The following CNTNAP5 variants were observed in gnomAD, a reference collection of about 807,000 sequenced individuals.
CNTNAP5 encodes contactin associated protein family member 5.
In CNTNAP5, 72 loss-of-function variants were observed where a neutral mutation model predicts 150.2. That is an observed-to-expected ratio of 0.48 (90% CI 0.40 to 0.58). The LOEUF is 0.58. Ranked by LOEUF, CNTNAP5 falls within the 20% of genes least tolerant of loss-of-function variation. The pLI, the probability that CNTNAP5 is intolerant of heterozygous loss-of-function variation, is 0.00. For missense variants in CNTNAP5, 1,636 were observed against 1,626.2 expected, an observed-to-expected ratio of 1.01 and a Z score of -0.10; for synonymous variants, 672 against 619.8, an observed-to-expected ratio of 1.08 and a Z score of -1.25.
At chr2:124,423,799 G>A (rs1293901068) in intron 4 of CNTNAP5, among the ~76,000 whole-genome samples, 24 of 144,004 alleles carry the variant, frequency 1.7e-4, no homozygotes, top group African/African-American at 6.2e-4. Context: ...CGAGTAGCTG[G>A]GACTACAGGC....
chr2:124,181,410 G>C (rs115719473), intron 1 of CNTNAP5, among the ~76,000 whole-genome samples: 37 of 151,846 alleles, frequency 2.4e-4, no homozygotes, highest in African/African-American at 8.7e-4. Flanking sequence ...GATATTCTAG[G>C]AATATAAATT....
intron 13 of CNTNAP5, among the ~76,000 whole-genome samples, chr2:124,729,908 G>A (rs1680235537): frequency 1.3e-5 from 2 of 152,034 alleles, no homozygotes; most frequent in South Asian, 4.1e-4. Flanking sequence ...AGCCAACAAT[G>A]CATTAACTAT....
chr2:124,650,116 T>C (rs938418133), intron 13 of CNTNAP5, among the ~76,000 whole-genome samples: 4 of 152,182 alleles, frequency 2.6e-5, no homozygotes, highest in Admixed American at 6.5e-5. Flanking sequence ...ACCATATTTT[T>C]GTGCATGAGG....
At chr2:124,622,322 A>G (rs1677634602) in intron 12 of CNTNAP5, among the ~76,000 whole-genome samples, 1 of 152,166 alleles carries the variant, frequency 6.6e-6, no homozygotes, top group Admixed American at 6.5e-5. Context: ...ATTGCTGCAT[A>G]GTATTCCATG....
At chr2:124,122,289 C>T (rs1430557566) in intron 1 of CNTNAP5, among the ~76,000 whole-genome samples, 1 of 152,098 alleles carries the variant, frequency 6.6e-6, no homozygotes, top group Non-Finnish European at 1.5e-5. Flanking sequence ...CTAATTAAAT[C>T]GTGAAACATT....
At chr2:124,715,637 G>T (rs1355706718) in intron 13 of CNTNAP5, among the ~76,000 whole-genome samples, 1 of 152,104 alleles carries the variant, frequency 6.6e-6, no homozygotes, top group Non-Finnish European at 1.5e-5. Context: ...AAGAAGGGTG[G>T]TATTTTTCTT....
At chr2:124,231,344 T>A (rs945903287) in intron 2 of CNTNAP5, among the ~76,000 whole-genome samples, 5 of 152,140 alleles carry the variant, frequency 3.3e-5, no homozygotes, top group African/African-American at 1.2e-4. Context: ...CTGGTACTCA[T>A]TTTTCTCATT....
intron 3 of CNTNAP5, among the ~76,000 whole-genome samples, chr2:124,291,643 A>C (rs189472450): frequency 6.6e-6 from 1 of 152,286 alleles, no homozygotes; most frequent in Non-Finnish European, 1.5e-5. Context: ...GCTGCCAAAT[A>C]AACACTGACA....
intron 3 of CNTNAP5, among the ~76,000 whole-genome samples, chr2:124,410,000 GAC>G (rs1485655050): frequency 6.6e-6 from 1 of 150,636 alleles, no homozygotes; most frequent in Non-Finnish European, 1.5e-5. Context: ...CACGTGCAGA[GAC>G]ACACATAGGC....
At chr2:124,403,613 G>A (rs1412843901) in intron 3 of CNTNAP5, among the ~76,000 whole-genome samples, 6 of 152,146 alleles carry the variant, frequency 3.9e-5, no homozygotes, top group Admixed American at 3.3e-4. Context: ...AAGAAATACT[G>A]TGCTCCATGC....
chr2:124,328,957 T>C (rs979249823), intron 3 of CNTNAP5, among the ~76,000 whole-genome samples: 9 of 152,000 alleles, frequency 5.9e-5, no homozygotes, highest in African/African-American at 1.7e-4. Context: ...CCATATGAAA[T>C]AGGAGACTGA....
chr2:124,628,328 A>G (rs1436396804), intron 12 of CNTNAP5, among the ~76,000 whole-genome samples: 1 of 152,222 alleles, frequency 6.6e-6, no homozygotes, highest in Middle Eastern at 3.2e-3. Context: ...AGGCCAAATC[A>G]CATACAAAAG....
chr2:124,462,369 T>A (rs1693274821), intron 6 of CNTNAP5, among the ~76,000 whole-genome samples: 1 of 152,216 alleles, frequency 6.6e-6, no homozygotes, highest in African/African-American at 2.4e-5. Flanking sequence ...ATTTGTGGAC[T>A]TGCTAACTTT....
At chr2:124,838,510 C>T (rs905507190) in intron 19 of CNTNAP5, among the ~76,000 whole-genome samples, 2 of 152,192 alleles carry the variant, frequency 1.3e-5, no homozygotes, top group African/African-American at 4.8e-5. Flanking sequence ...TATTATTATG[C>T]GTTTTGACTA....
intron 1 of CNTNAP5, among the ~76,000 whole-genome samples, chr2:124,179,154 A>G (rs1573814872): frequency 6.7e-6 from 1 of 149,834 alleles, no homozygotes; most frequent in East Asian, 2.0e-4. Context: ...GCTGCTTATT[A>G]TTATTATTTT....
At chr2:124,647,631 C>T in intron 12 of CNTNAP5, 127 bp from the exon 13 acceptor site, 2 of 789,816 alleles carry the variant, frequency 2.5e-6, no homozygotes, top group Non-Finnish European at 1.9e-6. Context: ...TTTCTCTGTC[C>T]TACTCTCCAT....
chr2:124,214,727 G>A (rs905959678), intron 1 of CNTNAP5, among the ~76,000 whole-genome samples: 3 of 152,258 alleles, frequency 2.0e-5, no homozygotes, highest in Admixed American at 2.0e-4. Context: ...AAAATGTATG[G>A]ATTATCTTTC....
intron 3 of CNTNAP5, among the ~76,000 whole-genome samples, chr2:124,248,859 G>A (rs1337686042): frequency 6.6e-6 from 1 of 152,126 alleles, no homozygotes; most frequent in African/African-American, 2.4e-5. Context: ...CATGTGTAGT[G>A]GGATAGGATC....
chr2:124,157,750 GC>G (rs1684579273), intron 1 of CNTNAP5, among the ~76,000 whole-genome samples: 1 of 152,016 alleles, frequency 6.6e-6, no homozygotes, highest in Non-Finnish European at 1.5e-5. Context: ...CTTCCTTCCT[GC>G]CAAAACCACA....
Sources: allele counts gnomAD v4.1 joint callset (sites outside exome capture counted in the v4.1 genomes callset), GRCh38; gene constraint gnomAD v4.1.1; transcripts MANE v1.5; gene names NCBI Gene and HGNC (gene_info 2026-07-23, HGNC 2026-07-21).